L3MBTL4: variants seen among roughly 807,000 people sequenced by gnomAD.
The protein encoded by L3MBTL4 is lethal(3)malignant brain tumor-like protein 4.
Under a neutral mutation model 84.5 loss-of-function variants are expected in L3MBTL4, and 70 were observed. The observed-to-expected ratio is 0.83, with a 90% CI of 0.68 to 1.01. L3MBTL4 has a LOEUF of 1.01. Among genes scored for constraint, L3MBTL4 ranks in the 50% least tolerant of loss-of-function variants. The pLI is 0.00. For synonymous variants in L3MBTL4, 274 were observed against 259.8 expected (o/e 1.05, Z -0.52); for missense variants, 715 against 754.8 (o/e 0.95, Z 0.62).
Position 6,131,389 on chromosome 18 carries a change from G to A in L3MBTL4, c.1199+6805C>T, listed in dbSNP as rs139412876. 3.2e-3 allele frequency among the ~76,000 whole-genome samples: 485 copies of A among 152,190 alleles called. 2 individuals carry two copies. The highest frequency in any genetic ancestry group is 0.011 in the African/African-American group (451 of 41,528). On this transcript the variant is annotated intron_variant, in intron 14 of 18. Coordinates refer to ENST00000317931, the MANE Select transcript of L3MBTL4 (RefSeq NM_001330559.2). Reference sequence around the variant, plus strand: ...CCGGAGGGGCTTGGTCTTTTGTTCTGTTGTTTTCTTTTATTCTTCTTTTTC... The same window carrying A: ...CCGGAGGGGCTTGGTCTTTTGTTCTATTGTTTTCTTTTATTCTTCTTTTTC...
intron 4 of L3MBTL4, among the ~76,000 whole-genome samples, chr18:6,277,110 G>A (rs2049113884): frequency 7.2e-6 from 1 of 139,332 alleles, no homozygotes; most frequent in Non-Finnish European, 1.5e-5. Flanking sequence ...CATAAGGAAG[G>A]GGAACATCAC....
intron 1 of L3MBTL4, among the ~76,000 whole-genome samples, chr18:6,330,189 G>A (rs2051953678): frequency 6.6e-6 from 1 of 152,150 alleles, no homozygotes; most frequent in Admixed American, 6.5e-5. Flanking sequence ...CCTAGGAGTG[G>A]AACTCTCATG....
chr18:6,363,631 A>C (rs1005870884), intron 1 of L3MBTL4, among the ~76,000 whole-genome samples: 2 of 152,034 alleles, frequency 1.3e-5, no homozygotes, highest in African/African-American at 4.8e-5. Flanking sequence ...TAACCCCTTA[A>C]GCCTCACAGT....
chr18:6,273,624 T>C (rs75552955), intron 4 of L3MBTL4, among the ~76,000 whole-genome samples: 2,754 of 152,248 alleles, frequency 0.018, 89 homozygotes, highest in African/African-American at 0.064. Context: ...TGCGGACAGC[T>C]GGGGGCTGAA....
At chr18:6,163,272 G>GGGGTGT (rs1243686744) in intron 13 of L3MBTL4, among the ~76,000 whole-genome samples, 38 of 94,884 alleles carry the variant, frequency 4.0e-4, no homozygotes, top group Admixed American at 7.0e-4. Context: ...GGGGGGGGTG[G>GGGGTGT]GTGTGTGTGT....
rs551897086 is a variant in L3MBTL4, at chr18:5,997,714, C to T, written c.1445-28152G>A. Among the ~76,000 whole-genome samples the T allele has an allele frequency of 1.3e-5, 2 of 152,200 alleles. 1 individual carries two copies. Among genetic ancestry groups the T allele is most frequent in the South Asian group, 4.2e-4 (2 of 4,806 alleles). ...AAAATGTATAAAGCCAAGCTGTGCC[C>T]TGATCACCTTGGGCACATGTCCTCA... On this transcript the variant is annotated intron_variant, in intron 16 of 18. Transcript: ENST00000317931.
At chr18:6,396,035 C>A (rs1352833680) in intron 1 of L3MBTL4, 3 of 151,508 alleles carry the variant, frequency 2.0e-5, no homozygotes, top group African/African-American at 4.9e-5. Context: ...TTTGCATGGC[C>A]AGTATAGGTG....
At chr18:6,353,486 T>G (rs1192651216) in intron 1 of L3MBTL4, among the ~76,000 whole-genome samples, 1 of 152,070 alleles carries the variant, frequency 6.6e-6, no homozygotes, top group Non-Finnish European at 1.5e-5. Flanking sequence ...ACTCAGCAAG[T>G]TTCTTAAAAG....
intron 16 of L3MBTL4, among the ~76,000 whole-genome samples, chr18:5,992,717 ACT>A (rs1363642891): frequency 6.6e-6 from 1 of 151,316 alleles, no homozygotes; most frequent in African/African-American, 2.4e-5. Context: ...CTCCACCCCC[ACT>A]CTCTCCCTCT....
At chr18:6,379,536 A>C (rs576563827) in intron 1 of L3MBTL4, among the ~76,000 whole-genome samples, 1 of 152,254 alleles carries the variant, frequency 6.6e-6, no homozygotes, top group South Asian at 2.1e-4. Context: ...AGGCAAGTTG[A>C]ATTTTGTCCA....
At chr18:6,407,715 T>G (rs537677426) in intron 1 of L3MBTL4, among the ~76,000 whole-genome samples, 1 of 152,332 alleles carries the variant, frequency 6.6e-6, no homozygotes, top group African/African-American at 2.4e-5. Flanking sequence ...TTGTCACTAG[T>G]TGACACAAAA....
intron 12 of L3MBTL4, among the ~76,000 whole-genome samples, chr18:6,206,823 AG>A (rs1335302115): frequency 1.3e-5 from 2 of 152,178 alleles, no homozygotes; most frequent in African/African-American, 4.8e-5. Context: ...TTTACTTAAT[AG>A]CTAAAATTGA....
intron 16 of L3MBTL4, among the ~76,000 whole-genome samples, chr18:6,074,135 C>T (rs374667506): frequency 1.3e-5 from 2 of 152,310 alleles, no homozygotes; most frequent in Admixed American, 6.5e-5. Context: ...TGCTGTTCGT[C>T]ATAACCCCTT....
intron 17 of L3MBTL4, among the ~76,000 whole-genome samples, chr18:5,965,950 C>T (rs1017848298): frequency 6.6e-6 from 1 of 152,170 alleles, no homozygotes; most frequent in African/African-American, 2.4e-5. Flanking sequence ...TAGACTTTCC[C>T]ATGGCTCATA....
chr18:6,130,968 CA>C (rs1306633246), intron 14 of L3MBTL4, among the ~76,000 whole-genome samples: 3 of 152,100 alleles, frequency 2.0e-5, no homozygotes, highest in African/African-American at 4.8e-5. Context: ...CCTATTTTAA[CA>C]AAAACTAAAA....
chr18:6,048,772 G>A (rs866444992), intron 16 of L3MBTL4, among the ~76,000 whole-genome samples: 5 of 143,664 alleles, frequency 3.5e-5, no homozygotes, highest in South Asian at 2.2e-4. Context: ...CTGGGCAACC[G>A]AGTAAGACTC....
At chr18:6,140,918 C>T (rs188217209) in intron 13 of L3MBTL4, among the ~76,000 whole-genome samples, 9 of 151,898 alleles carry the variant, frequency 5.9e-5, no homozygotes, top group African/African-American at 1.7e-4. Flanking sequence ...TTTAATATCA[C>T]CACACACTGG....
chr18:6,265,914 A>G (rs1214194825), intron 4 of L3MBTL4, among the ~76,000 whole-genome samples: 1 of 152,244 alleles, frequency 6.6e-6, no homozygotes, highest in Non-Finnish European at 1.5e-5. Flanking sequence ...CATGCTGACT[A>G]TAGTGAATAA....
At chr18:6,098,232 CAGGAGGTTATAACCAAGTTGT>C (rs2058703268) in intron 14 of L3MBTL4, among the ~76,000 whole-genome samples, 1 of 152,162 alleles carries the variant, frequency 6.6e-6, no homozygotes, top group Non-Finnish European at 1.5e-5. Flanking sequence ...CAGTTCACAG[CAGGAGGTTATAACCAAGTTGT>C]CACGACTTAC....
Sources: allele counts gnomAD v4.1 joint callset (sites outside exome capture counted in the v4.1 genomes callset), GRCh38; gene constraint gnomAD v4.1.1; transcripts MANE v1.5; gene names NCBI Gene and HGNC (gene_info 2026-07-23, HGNC 2026-07-21).